Variants in GRM8 observed in about 807,000 individuals in gnomAD.
The protein encoded by GRM8 is metabotropic glutamate receptor 8.
In GRM8, 47 loss-of-function variants were observed where a neutral mutation model predicts 87.2. The observed-to-expected ratio is 0.54, with a 90% CI of 0.43 to 0.69. The LOEUF is 0.69. Ranked by LOEUF, GRM8 falls within the 30% of genes least tolerant of loss-of-function variation. The probability of loss-of-function intolerance (pLI) is 0.00; values close to 1 mark genes in which losing one functional copy is unlikely to be tolerated. For synonymous variants in GRM8, 396 were observed against 404.5 expected (o/e 0.98, Z 0.25); for missense variants, 1,019 against 1,139.2 (o/e 0.89, Z 1.52).
intron 3 of GRM8, among the ~76,000 whole-genome samples, chr7:126,988,609 T>A (rs1812344043): frequency 6.6e-6 from 1 of 152,212 alleles, no homozygotes; most frequent in Non-Finnish European, 1.5e-5. Context: ...AGCAAAGCCA[T>A]ATTTTTTTGA....
chr7:126,521,316 T>C (rs983599573), intron 9 of GRM8, among the ~76,000 whole-genome samples: 3 of 152,136 alleles, frequency 2.0e-5, no homozygotes, highest in Non-Finnish European at 4.4e-5. Flanking sequence ...TACACTTGAC[T>C]GAACAAATAA....
At chr7:127,022,188 T>A (rs375610500) in intron 3 of GRM8, among the ~76,000 whole-genome samples, 3 of 151,458 alleles carry the variant, frequency 2.0e-5, no homozygotes, top group East Asian at 3.9e-4. Context: ...TTTTTTCCAA[T>A]ACAAATTTTA....
chr7:126,715,447 T>C (rs1811622242), intron 7 of GRM8, among the ~76,000 whole-genome samples: 1 of 152,236 alleles, frequency 6.6e-6, no homozygotes, highest in African/African-American at 2.4e-5. Context: ...GGTCTGAAAG[T>C]GTGTAAGTTT....
intron 7 of GRM8, among the ~76,000 whole-genome samples, chr7:126,730,081 C>T (rs1045854968): frequency 5.3e-5 from 8 of 152,074 alleles, no homozygotes; most frequent in African/African-American, 1.9e-4. Flanking sequence ...AAAGTAACAA[C>T]TTAGGAATAA....
At position 126,786,802 on chromosome 7, in the gene GRM8, G is replaced by A. The variant is rs184740057; in HGVS notation, c.1157-16737C>T. ...TCTCAAAAGTTATTATAGTTACCAT[G>A]TATGAACTTTTTGTCCATCAGCTGG... On this transcript the variant is annotated intron_variant, in intron 6 of 10. Coordinates refer to ENST00000339582, the MANE Select transcript of GRM8 (RefSeq NM_000845.3). Among the ~76,000 whole-genome samples the A allele has an allele frequency of 8.5e-5, 13 of 152,224 alleles. No individual in the cohort carries two copies. In the East Asian group the frequency reaches 2.3e-3, roughly 27 times the overall value.
At chr7:126,803,003 C>A (rs192125161) in intron 6 of GRM8, among the ~76,000 whole-genome samples, 15 of 152,094 alleles carry the variant, frequency 9.9e-5, no homozygotes, top group African/African-American at 3.6e-4. Context: ...GATTTACTGA[C>A]CTTGAAAGTG....
Position 126,595,371 on chromosome 7 carries a change from GTATTTTATTTTATTT to G in GRM8, c.1494+13976_1494+13990del, listed in dbSNP as rs146479444. On this transcript the variant is annotated intron_variant, in intron 8 of 10. Coordinates refer to ENST00000339582, the MANE Select transcript of GRM8 (RefSeq NM_000845.3). ...CACACCACCACCCCAGCTAATTCTG[GTATTTTATTTTATTT>G]TATTTTATTTTATTTTATTTTATTT... 7.9e-3 allele frequency among the ~76,000 whole-genome samples: 1,056 copies of G among 133,752 alleles called. 10 individuals are homozygous for G. Among genetic ancestry groups the G allele is most frequent in the African/African-American group, 0.015 (510 of 34,502 alleles). The allele number at this position is 133,752 out of a possible 152,430, so 87.7% of individuals were successfully genotyped here.
chr7:126,493,596 G>C (rs769686359), intron 9 of GRM8, among the ~76,000 whole-genome samples: 5 of 152,108 alleles, frequency 3.3e-5, no homozygotes, highest in Non-Finnish European at 5.9e-5. Flanking sequence ...AATAGCACAG[G>C]TCTACAGCTG....
intron 8 of GRM8, among the ~76,000 whole-genome samples, chr7:126,593,235 C>T (rs569828404): frequency 6.6e-6 from 1 of 152,136 alleles, no homozygotes; most frequent in South Asian, 2.1e-4. Flanking sequence ...AAGTGCCATT[C>T]TTCACAGAAC....
intron 3 of GRM8, among the ~76,000 whole-genome samples, chr7:127,094,879 G>A (rs1188677708): frequency 1.3e-5 from 2 of 152,158 alleles, no homozygotes; most frequent in Non-Finnish European, 2.9e-5. Flanking sequence ...ATCACTTGAG[G>A]CTAAATTCCT....
chr7:126,446,139 A>T lies in GRM8; in HGVS notation c.2664T>A (p.Ser888Arg). ...NGEVKSELCE[S>R]LETNTSSTKT... ...CAGATGACTTACTGTTGGTTTCAAG[A>T]CTCTCACAGAGTTCACTTTTCACCT... The change falls in exon 10 of 11, where the codon AGT (serine) becomes AGA (arginine). Residue 888 changes from serine to arginine, a missense_variant. Ser to Arg is a moderately radical substitution (Grantham distance 110). Transcript: ENST00000339582. 2.5e-6 allele frequency: 4 copies of T among 1,612,552 alleles called. No homozygotes were observed. The highest frequency in any genetic ancestry group is 1.3e-5 in the African/African-American group (1 of 74,850).
At chr7:126,868,992 T>G (rs535164001) in intron 6 of GRM8, 6 of 152,346 alleles carry the variant, frequency 3.9e-5, no homozygotes, top group Admixed American at 3.9e-4. Flanking sequence ...GAAAAACTTT[T>G]CAAAATTGGA....
At chr7:126,513,874 C>G (rs1490551270) in intron 9 of GRM8, among the ~76,000 whole-genome samples, 2 of 152,084 alleles carry the variant, frequency 1.3e-5, no homozygotes, top group Non-Finnish European at 2.9e-5. Flanking sequence ...CTACCAAACA[C>G]TGAATTACTC....
At chr7:126,975,868 G>C (rs1234347684) in intron 3 of GRM8, among the ~76,000 whole-genome samples, 1 of 152,100 alleles carries the variant, frequency 6.6e-6, no homozygotes, top group Non-Finnish European at 1.5e-5. Flanking sequence ...TTTCAACTAA[G>C]AAAATTTCAT....
At chr7:126,763,954 C>T (rs187674800) in intron 7 of GRM8, among the ~76,000 whole-genome samples, 4 of 151,674 alleles carry the variant, frequency 2.6e-5, no homozygotes, top group African/African-American at 9.6e-5. Flanking sequence ...CAAACAGGTT[C>T]AATTTATTCC....
chr7:126,473,024 G>A (rs1448617997), intron 9 of GRM8, among the ~76,000 whole-genome samples: 1 of 152,202 alleles, frequency 6.6e-6, no homozygotes, highest in East Asian at 1.9e-4. Context: ...GAGGTGTGCT[G>A]CAGGGATGGA....
chr7:126,947,203 T>C (rs1011516726), intron 3 of GRM8, among the ~76,000 whole-genome samples: 3 of 152,232 alleles, frequency 2.0e-5, no homozygotes, highest in South Asian at 2.1e-4. Context: ...GTCCATTAAC[T>C]TGTGCTGCAT....
chr7:126,773,250 T>C (rs1050437687), intron 6 of GRM8, among the ~76,000 whole-genome samples: 1 of 152,146 alleles, frequency 6.6e-6, no homozygotes, highest in Non-Finnish European at 1.5e-5. Context: ...TTTAATCTAA[T>C]TATTTTTTAT....
chr7:126,678,785 C>G (rs1396654940), intron 7 of GRM8, among the ~76,000 whole-genome samples: 1 of 152,110 alleles, frequency 6.6e-6, no homozygotes, highest in African/African-American at 2.4e-5. Flanking sequence ...ATGGAATTTT[C>G]CAAAATTGAC....
Sources: allele counts gnomAD v4.1 joint callset (sites outside exome capture counted in the v4.1 genomes callset), GRCh38; gene constraint gnomAD v4.1.1; transcripts MANE v1.5; gene names NCBI Gene and HGNC (gene_info 2026-07-23, HGNC 2026-07-21).